Variants in DLG2 observed in about 807,000 individuals in gnomAD.
The protein encoded by DLG2 is disks large homolog 2.
In DLG2, 45 loss-of-function variants were observed where a neutral mutation model predicts 132.5. That is an observed-to-expected ratio of 0.34 (90% CI 0.27 to 0.44). DLG2 has a LOEUF of 0.44. Ranked by LOEUF, DLG2 falls within the 20% of genes least tolerant of loss-of-function variation. The pLI is 1.00. For missense variants in DLG2, 1,045 were observed against 1,196.9 expected, an observed-to-expected ratio of 0.87 and a Z score of 1.87; for synonymous variants, 424 against 419.6, an observed-to-expected ratio of 1.01 and a Z score of -0.13.
chr11:83,467,710 A>G (rs1004741763), intron 25 of DLG2, among the ~76,000 whole-genome samples: 23 of 149,348 alleles, frequency 1.5e-4, no homozygotes. Context: ...AGACCGTGCC[A>G]TGGCATTCCA....
At chr11:85,532,088 A>T (rs1332519231) in intron 3 of DLG2, among the ~76,000 whole-genome samples, 1 of 152,208 alleles carries the variant, frequency 6.6e-6, no homozygotes, top group Non-Finnish European at 1.5e-5. Flanking sequence ...TATATGCAAT[A>T]AGAAAAAATA....
intron 6 of DLG2, among the ~76,000 whole-genome samples, chr11:85,067,540 T>A (rs963790866): frequency 1.3e-5 from 2 of 151,874 alleles, no homozygotes; most frequent in African/African-American, 2.4e-5. Context: ...TTCTGGTATG[T>A]TGTGTCTTTG....
At chr11:84,634,205 TG>T (rs1188770786) in intron 6 of DLG2, among the ~76,000 whole-genome samples, 2 of 152,190 alleles carry the variant, frequency 1.3e-5, no homozygotes, top group Admixed American at 1.3e-4. Flanking sequence ...TTCATCTCCC[TG>T]ATTCTCAGTC....
intron 6 of DLG2, among the ~76,000 whole-genome samples, chr11:85,053,369 G>C (rs944485533): frequency 2.6e-5 from 4 of 152,082 alleles, no homozygotes; most frequent in African/African-American, 4.8e-5. Context: ...CTGTCAACTA[G>C]GCATAATTAT....
At chr11:83,896,777 A>G (rs540873599) in intron 15 of DLG2, among the ~76,000 whole-genome samples, 1 of 152,334 alleles carries the variant, frequency 6.6e-6, no homozygotes, top group East Asian at 1.9e-4. Flanking sequence ...TGGATGTAAC[A>G]CTGGGTAAAG....
intron 6 of DLG2, among the ~76,000 whole-genome samples, chr11:85,069,373 G>A (rs893667399): frequency 1.7e-4 from 26 of 152,036 alleles, no homozygotes; most frequent in Non-Finnish European, 3.4e-4. Flanking sequence ...GCAACCTACA[G>A]AATGGGAGAA....
chr11:85,297,965 G>T (rs2079345472), intron 3 of DLG2, among the ~76,000 whole-genome samples: 1 of 152,124 alleles, frequency 6.6e-6, no homozygotes, highest in South Asian at 2.1e-4. Context: ...GTAGTATGAG[G>T]AGGGCGCCCA....
intron 3 of DLG2, among the ~76,000 whole-genome samples, chr11:85,568,843 A>G (rs2077684228): frequency 6.6e-6 from 1 of 151,880 alleles, no homozygotes; most frequent in African/African-American, 2.4e-5. Context: ...TTTGTTGATC[A>G]CTTTGAAAAA....
At chr11:84,651,003 C>A (rs12577143) in intron 6 of DLG2, among the ~76,000 whole-genome samples, 4 of 151,320 alleles carry the variant, frequency 2.6e-5, no homozygotes, top group Non-Finnish European at 5.9e-5. Context: ...GTGATGGATA[C>A]TTTCAAAATG....
At chr11:84,889,516 A>C (rs2088947549) in intron 6 of DLG2, among the ~76,000 whole-genome samples, 1 of 152,178 alleles carries the variant, frequency 6.6e-6, no homozygotes, top group Non-Finnish European at 1.5e-5. Flanking sequence ...AACAGACAAC[A>C]GTATAGACAA....
At chr11:85,130,568 G>A (rs145087714) in intron 5 of DLG2, among the ~76,000 whole-genome samples, 201 of 152,298 alleles carry the variant, frequency 1.3e-3, no homozygotes, top group Non-Finnish European at 2.3e-3. Flanking sequence ...GAATGAAATG[G>A]AGCTTAGGAC....
chr11:84,458,991 GAT>G (rs2099072948), intron 7 of DLG2, among the ~76,000 whole-genome samples: 3 of 150,630 alleles, frequency 2.0e-5, no homozygotes, highest in Non-Finnish European at 4.5e-5. Context: ...AGTTCAGAGA[GAT>G]AGAATTACAT....
rs114343301 is a variant in DLG2, at chr11:85,389,215, A to G, written c.41-103850T>C. On this transcript the variant is annotated intron_variant, in intron 3 of 27. Coordinates refer to ENST00000376104, the MANE Select transcript of DLG2 (RefSeq NM_001142699.3). ...CACTTAAAGAAATACAAAATGCACT[A>G]AAAAGTCTCAGCAATAGAATTGAAC... Among the ~76,000 whole-genome samples, 443 of 152,278 alleles carry G rather than the reference A, an allele frequency of 2.9e-3. 1 individual carries two copies. The highest frequency in any genetic ancestry group is 0.01 in the African/African-American group (429 of 41,572).
chr11:84,738,221 T>A (rs2064121005), intron 6 of DLG2, among the ~76,000 whole-genome samples: 1 of 152,052 alleles, frequency 6.6e-6, no homozygotes, highest in Non-Finnish European at 1.5e-5. Context: ...TTTTCTTTTT[T>A]TTCTTTTTCT....
chr11:85,550,331 C>T (rs981815581), intron 3 of DLG2, among the ~76,000 whole-genome samples: 6 of 152,228 alleles, frequency 3.9e-5, no homozygotes, highest in Admixed American at 2.0e-4. Flanking sequence ...TATCACATCA[C>T]CTGGGGCTTT....
chr11:84,746,111 A>G (rs1178435809), intron 6 of DLG2, among the ~76,000 whole-genome samples: 1 of 152,156 alleles, frequency 6.6e-6, no homozygotes. Flanking sequence ...AGATAGGCAA[A>G]AAGCAGACAA....
intron 2 of DLG2, among the ~76,000 whole-genome samples, chr11:85,618,241 T>C (rs1370311756): frequency 6.6e-6 from 1 of 152,128 alleles, no homozygotes; most frequent in Non-Finnish European, 1.5e-5. Flanking sequence ...GCAAGAATTG[T>C]AGCTGGAGAA....
intron 9 of DLG2, among the ~76,000 whole-genome samples, chr11:84,107,261 C>T (rs1242772867): frequency 6.6e-6 from 1 of 151,878 alleles, no homozygotes; most frequent in Non-Finnish European, 1.5e-5. Flanking sequence ...ATAGGTACTA[C>T]TTAATTTCAT....
intron 6 of DLG2, among the ~76,000 whole-genome samples, chr11:85,062,493 T>C (rs2064263071): frequency 6.6e-6 from 1 of 151,468 alleles, no homozygotes; most frequent in Admixed American, 6.6e-5. Flanking sequence ...ATGCAAACAT[T>C]GTGTTAAATA....
Sources: gnomAD v4.1 joint callset for allele counts (sites outside exome capture counted in the v4.1 genomes callset) on GRCh38, gnomAD v4.1.1 for gene constraint, MANE v1.5 for transcripts, NCBI Gene and HGNC (gene_info 2026-07-23, HGNC 2026-07-21) for gene names.